Variants in EXOG observed in about 807,000 individuals in gnomAD.
EXOG encodes nuclease EXOG, mitochondrial.
In EXOG, 27 loss-of-function variants were observed where a neutral mutation model predicts 25.8. That is an observed-to-expected ratio of 1.05 (90% CI 0.77 to 1.45). The LOEUF is 1.45. Among genes scored for constraint, EXOG ranks in the 40% most tolerant of loss-of-function variants. The probability of loss-of-function intolerance (pLI) is 0.00; values close to 1 mark genes in which losing one functional copy is unlikely to be tolerated. For synonymous variants in EXOG, 133 were observed against 167.0 expected (o/e 0.80, Z 1.57); for missense variants, 458 against 450.5 (o/e 1.02, Z -0.15).
intron 5 of EXOG, among the ~76,000 whole-genome samples, chr3:38,510,581 TAAC>T (rs1482329794): frequency 6.6e-6 from 1 of 151,958 alleles, no homozygotes; most frequent in Admixed American, 6.6e-5. Context: ...AACAAAATGT[TAAC>T]AATTGGTAAA....
intron 5 of EXOG, among the ~76,000 whole-genome samples, chr3:38,517,598 T>C (rs1016219433): frequency 1.3e-5 from 2 of 152,224 alleles, no homozygotes; most frequent in African/African-American, 2.4e-5. Flanking sequence ...TAGCCTTTTG[T>C]AGTGGATGGA....
chr3:38,497,104 C>A (rs2059914653), intron 1 of EXOG: 10 of 1,005,458 alleles, frequency 9.9e-6, no homozygotes, highest in Non-Finnish European at 1.2e-5. Context: ...AACACGAGCT[C>A]ATTTCTTGTA....
At chr3:38,516,431 C>G (rs1008898918) in intron 5 of EXOG, among the ~76,000 whole-genome samples, 2 of 152,142 alleles carry the variant, frequency 1.3e-5, no homozygotes, top group East Asian at 3.9e-4. Flanking sequence ...AAAAGAACTT[C>G]CCTGTATCTT....
chr3:38,496,782 T>A (rs2059902950), intron 1 of EXOG: 2 of 1,400,190 alleles, frequency 1.4e-6, no homozygotes, highest in South Asian at 1.3e-5. Context: ...GCCGCCCGAC[T>A]TTCTTCCCCC....
At position 38,524,472 on chromosome 3, in the gene EXOG, AAG is replaced by A. The variant is rs1355925080; in HGVS notation, c.*114_*115del. ...TGCTTTTTAAAAAGTTTTTCTCTTTAAGAGATGTGGTCTCGCCGTGTCATCCA... is the reference window on the plus strand; with the variant it reads ...TGCTTTTTAAAAAGTTTTTCTCTTTAAGATGTGGTCTCGCCGTGTCATCCA... On this transcript the variant is annotated 3_prime_UTR_variant, in exon 6 of 6. Transcript: ENST00000287675. 6.9e-7 allele frequency: 1 copy of A among 1,441,888 alleles called. No individual in the cohort carries two copies. Among genetic ancestry groups the A allele is most frequent in the Non-Finnish European group, 9.1e-7 (1 of 1,098,172 alleles). 89.3% of individuals were successfully genotyped at this position (1,441,888 alleles called of 1,614,324 possible).
At chr3:38,504,349 G>C (rs1371556961) in intron 4 of EXOG, among the ~76,000 whole-genome samples, 2 of 143,462 alleles carry the variant, frequency 1.4e-5, no homozygotes, top group Non-Finnish European at 3.0e-5. Context: ...CTGGACAACA[G>C]AGCAAGACCC....
intron 5 of EXOG, among the ~76,000 whole-genome samples, chr3:38,520,850 C>T (rs1345887277): frequency 1.3e-5 from 2 of 152,242 alleles, no homozygotes; most frequent in African/African-American, 2.4e-5. Context: ...TGGGTGGACG[C>T]GACTTGCAGC....
chr3:38,521,942 G>A (rs1406135393), intron 5 of EXOG, among the ~76,000 whole-genome samples: 1 of 152,202 alleles, frequency 6.6e-6, no homozygotes, highest in Non-Finnish European at 1.5e-5. Context: ...GGTTATTTGT[G>A]AGTTAATTGT....
At position 38,525,476 on chromosome 3, in the gene EXOG, C is replaced by T. The variant is rs1041748151; in HGVS notation, c.*1114C>T. On this transcript the variant is annotated 3_prime_UTR_variant, in exon 6 of 6. Transcript: ENST00000287675. ...TCTTTGAATTGAACCCTCCTTAGCTCTGTGGAAAGAGACAGTCAGGAATAT... is the reference window on the plus strand; with the variant it reads ...TCTTTGAATTGAACCCTCCTTAGCTTTGTGGAAAGAGACAGTCAGGAATAT... The T allele has an allele frequency of 2.0e-6, 2 of 985,232 alleles. No individual in the cohort carries two copies. The highest frequency in any genetic ancestry group is 1.2e-6 in the Non-Finnish European group (1 of 829,920). The allele number at this position is 985,232 out of a possible 1,614,324, so 61.0% of individuals were successfully genotyped here. A position where few individuals can be genotyped will look rare whatever the true frequency, so the allele number is the denominator to read the frequency against.
In EXOG at chr3:38,524,053, A is replaced by G. The variant is rs1415640941; in HGVS notation, c.798A>G (p.Gln266=). 2 of 1,614,182 alleles carry G rather than the reference A, an allele frequency of 1.2e-6. No homozygotes were observed. The highest frequency in any genetic ancestry group is 1.7e-6 in the Non-Finnish European group (2 of 1,180,038). ...TCCAGCCCCAGTTAACTGAATTCCA[A>G]GTGAGCCTCCAGGACCTAGAGAAGT... is the stretch of plus-strand genomic sequence containing the variant. ...IGFQPQLTEF[Q]VSLQDLEKLS... The change falls in exon 6 of 6, where the codon CAA becomes CAG. Residue 266 remains glutamine, a synonymous_variant. Coordinates refer to ENST00000287675, the MANE Select transcript of EXOG (RefSeq NM_005107.4).
rs1050050130 is a variant in EXOG, at chr3:38,506,871, G to A, written c.548G>A (p.Arg183Gln). 1.6e-5 allele frequency: 25 copies of A among 1,581,098 alleles called. No homozygotes were observed. Among genetic ancestry groups the A allele is most frequent in the Non-Finnish European group, 2.0e-5 (23 of 1,150,746 alleles). ...TTTTTCAGAATAGAAATGTACTGTC[G>A]AGAGCTGACAGAAAGGTTTGAAGAT... ...GYWNRIEMYC[R>Q]ELTERFEDVW... Residue 183 changes from arginine to glutamine, a missense_variant, in exon 5 of 6, where the codon CGA (arginine) becomes CAA (glutamine). Physicochemically the swap from Arg to Gln is conservative, Grantham distance 43. Transcript: ENST00000287675.
chr3:38,518,467 C>T (rs748530691), intron 5 of EXOG, among the ~76,000 whole-genome samples: 7 of 152,168 alleles, frequency 4.6e-5, no homozygotes, highest in East Asian at 1.9e-4. Flanking sequence ...TCTCAAGCAA[C>T]GAATAATTTG....
At chr3:38,504,994 A>G (rs2060160643) in intron 4 of EXOG, among the ~76,000 whole-genome samples, 1 of 152,222 alleles carries the variant, frequency 6.6e-6, no homozygotes, top group Non-Finnish European at 1.5e-5. Context: ...CACTCAGATT[A>G]TTTTTAGCAG....
rs941619706 is a variant in EXOG at position 38,525,272 on chromosome 3, G to A, written c.*910G>A. On this transcript the variant is annotated 3_prime_UTR_variant, in exon 6 of 6. Transcript: ENST00000287675. ...AAAGTAGTCATCCACAAAGTATGAG[G>A]CAGACAGATCTAAGAGAAGAAAGAC... 3 of 985,236 alleles carry A rather than the reference G, an allele frequency of 3.0e-6. No homozygotes were observed. The African/African-American group carries it at 5.2e-5, about 17-fold the overall frequency. 61.0% of individuals were successfully genotyped at this position (985,236 alleles called of 1,614,324 possible).
At chr3:38,516,671 A>T (rs2060553024) in intron 5 of EXOG, among the ~76,000 whole-genome samples, 1 of 152,064 alleles carries the variant, frequency 6.6e-6, no homozygotes, top group East Asian at 1.9e-4. Context: ...AAATTACCCA[A>T]TACTATCCTT....
chr3:38,515,098 T>G lies in EXOG; in HGVS notation c.645+8130T>G, dbSNP rs917576967. Among the ~76,000 whole-genome samples, 62 of 152,138 alleles carry G rather than the reference T, an allele frequency of 4.1e-4. 1 individual carries two copies. The highest frequency in any genetic ancestry group is 1.4e-3 in the African/African-American group (59 of 41,418). On this transcript the variant is annotated intron_variant, in intron 5 of 5. Transcript: ENST00000287675. ...CCCTTTTTTATAGATAACTTTTTTT[T>G]GCTTTGGTAGAGTATATCCTCAAAT... is the stretch of plus-strand genomic sequence containing the variant.
At chr3:38,497,938 C>A in intron 2 of EXOG, 160 bp downstream of exon 2, 1 of 921,390 alleles carries the variant, frequency 1.1e-6, no homozygotes, top group Non-Finnish European at 1.5e-6. Flanking sequence ...CCCTGCCTGG[C>A]AGCCAGAAAG....
intron 5 of EXOG, among the ~76,000 whole-genome samples, chr3:38,523,579 G>A (rs1320870449): frequency 6.6e-6 from 1 of 152,102 alleles, no homozygotes; most frequent in Non-Finnish European, 1.5e-5. Context: ...TGTTGGCCAG[G>A]CTGGTCTTGA....
chr3:38,501,117 C>A, intron 2 of EXOG: 1 of 359,044 alleles, frequency 2.8e-6, no homozygotes, highest in Non-Finnish European at 5.0e-6. Context: ...CTGGAAAGGC[C>A]AGAGTCAAAA....
Sources: gnomAD v4.1 joint callset for allele counts (sites outside exome capture counted in the v4.1 genomes callset) on GRCh38, gnomAD v4.1.1 for gene constraint, MANE v1.5 for transcripts, NCBI Gene and HGNC (gene_info 2026-07-23, HGNC 2026-07-21) for gene names.